Variants in LINGO2 observed in about 807,000 individuals in gnomAD.
The protein encoded by LINGO2 is leucine-rich repeat and immunoglobulin-like domain-containing nogo receptor-interacting protein 2.
Under a neutral mutation model 30.6 loss-of-function variants are expected in LINGO2, and 14 were observed. The observed-to-expected ratio is 0.46, with a 90% confidence interval of 0.30 to 0.72. LINGO2 has a LOEUF of 0.72. Among genes scored for constraint, LINGO2 ranks in the 30% least tolerant of loss-of-function variants. The pLI is 0.07. For missense variants in LINGO2, 729 were observed against 751.7 expected (o/e 0.97, Z 0.35); for synonymous variants, 317 against 288.5 (o/e 1.10, Z -1.00).
chr9:27,983,543 C>T (rs188694107), intron 5 of LINGO2, among the ~76,000 whole-genome samples: 1 of 151,926 alleles, frequency 6.6e-6, no homozygotes, highest in African/African-American at 2.4e-5. Context: ...TGATGCTTTC[C>T]TAGAGTCATC....
intron 4 of LINGO2, among the ~76,000 whole-genome samples, chr9:28,293,215 A>C (rs1429077673): frequency 6.6e-6 from 1 of 152,010 alleles, no homozygotes; most frequent in Non-Finnish European, 1.5e-5. Context: ...CTCCCACCTC[A>C]GCCTCCTAAG....
chr9:28,656,540 C>T lies in LINGO2; in HGVS notation c.-365+13660G>A, dbSNP rs372312885. ...ATCATAAGGAAACATCAGACACATC[C>T]AAACTGAGATGTAATTTACAGAATA... On this transcript the variant is annotated intron_variant, in intron 1 of 5. Transcript: ENST00000379992. Among the ~76,000 whole-genome samples, 25 of 152,072 alleles carry T rather than the reference C, an allele frequency of 1.6e-4. No individual in the cohort carries two copies. The South Asian group carries it at 5.2e-3, about 32-fold the overall frequency.
chr9:28,921,137 A>G, the LINGO2 span, among the ~76,000 whole-genome samples: 2 of 152,208 alleles, frequency 1.3e-5, no homozygotes, highest in African/African-American at 4.8e-5. Context: ...GGTGGCTTAT[A>G]TTGGACATAG....
At chr9:28,887,720 A>T in the LINGO2 span, among the ~76,000 whole-genome samples, 2 of 152,116 alleles carry the variant, frequency 1.3e-5, no homozygotes, top group Non-Finnish European at 2.9e-5. Context: ...AAGGCTGAGA[A>T]CTGTAATCCT....
intron 4 of LINGO2, among the ~76,000 whole-genome samples, chr9:28,125,825 A>G (rs1229749796): frequency 6.6e-6 from 1 of 152,206 alleles, no homozygotes; most frequent in East Asian, 1.9e-4. Flanking sequence ...AGAACAGAAC[A>G]GCTACTTTCA....
chr9:28,879,269 G>A, the LINGO2 span, among the ~76,000 whole-genome samples: 2 of 152,058 alleles, frequency 1.3e-5, no homozygotes, highest in African/African-American at 4.8e-5. Flanking sequence ...TAATAGGAGA[G>A]TGAAACAAGG....
chr9:28,896,166 G>T, the LINGO2 span, among the ~76,000 whole-genome samples: 1 of 152,134 alleles, frequency 6.6e-6, no homozygotes, highest in African/African-American at 2.4e-5. Flanking sequence ...GCAAAAAGAA[G>T]CAAACATTTG....
intron 4 of LINGO2, among the ~76,000 whole-genome samples, chr9:28,217,911 A>G (rs1265059840): frequency 6.6e-6 from 1 of 151,974 alleles, no homozygotes; most frequent in African/African-American, 2.4e-5. Flanking sequence ...TTGAAAAACT[A>G]GAATAATTAT....
At chr9:28,659,803 G>C (rs1036819023) in intron 1 of LINGO2, among the ~76,000 whole-genome samples, 3 of 152,028 alleles carry the variant, frequency 2.0e-5, no homozygotes, top group Non-Finnish European at 2.9e-5. Context: ...GTCGTAATAG[G>C]TTGAATGTAA....
At chr9:28,217,672 T>C (rs1446088249) in intron 4 of LINGO2, among the ~76,000 whole-genome samples, 1 of 152,064 alleles carries the variant, frequency 6.6e-6, no homozygotes, top group Non-Finnish European at 1.5e-5. Context: ...ATGTCCAAAA[T>C]AGCCTTCACA....
chr9:28,354,075 C>T (rs539787989), intron 3 of LINGO2, among the ~76,000 whole-genome samples: 140 of 151,944 alleles, frequency 9.2e-4, no homozygotes, highest in African/African-American at 3.0e-3. Flanking sequence ...GTGGGTGCAG[C>T]GCACCAGCAT....
At chr9:28,915,916 T>C in the LINGO2 span, among the ~76,000 whole-genome samples, 1 of 152,118 alleles carries the variant, frequency 6.6e-6, no homozygotes, top group Non-Finnish European at 1.5e-5. Flanking sequence ...TCCTGTAAAA[T>C]CTCTGATAAA....
the LINGO2 span, among the ~76,000 whole-genome samples, chr9:28,916,314 G>T: frequency 3.5e-4 from 54 of 152,254 alleles, no homozygotes; most frequent in African/African-American, 1.3e-3. Flanking sequence ...ATTCTGTAGA[G>T]AATTCTCTTC....
chr9:28,924,329 T>A, the LINGO2 span, among the ~76,000 whole-genome samples: 1 of 152,152 alleles, frequency 6.6e-6, no homozygotes, highest in African/African-American at 2.4e-5. Context: ...CAAGTGACTC[T>A]CCCACCTCAG....
At chr9:28,708,379 G>T in the LINGO2 span, among the ~76,000 whole-genome samples, 1 of 152,040 alleles carries the variant, frequency 6.6e-6, no homozygotes, top group Non-Finnish European at 1.5e-5. Flanking sequence ...GATTAGTTTT[G>T]CATCATGAGG....
chr9:28,641,463 T>C (rs1588011297), intron 1 of LINGO2, among the ~76,000 whole-genome samples: 1 of 152,046 alleles, frequency 6.6e-6, no homozygotes, highest in Admixed American at 6.5e-5. Flanking sequence ...AAGTCACTAG[T>C]GAAAGGAAAC....
intron 4 of LINGO2, among the ~76,000 whole-genome samples, chr9:28,233,117 T>C (rs963018634): frequency 9.5e-5 from 14 of 147,306 alleles, no homozygotes; most frequent in African/African-American, 3.5e-4. Context: ...TGGGGGGGTC[T>C]ATGTGTGTGT....
At chr9:28,948,481 C>T in the LINGO2 span, among the ~76,000 whole-genome samples, 4 of 151,970 alleles carry the variant, frequency 2.6e-5, no homozygotes, top group Admixed American at 6.6e-5. Flanking sequence ...ATTTATTTGG[C>T]TCTTTTGGCA....
chr9:28,363,808 T>G (rs755365329), intron 3 of LINGO2, among the ~76,000 whole-genome samples: 11 of 152,324 alleles, frequency 7.2e-5, no homozygotes, highest in Non-Finnish European at 8.8e-5. Flanking sequence ...TGACAATTAT[T>G]TTCTCCTAAC....
Sources: allele counts gnomAD v4.1 joint callset (sites outside exome capture counted in the v4.1 genomes callset), GRCh38; gene constraint gnomAD v4.1.1; transcripts MANE v1.5; gene names NCBI Gene and HGNC (gene_info 2026-07-23, HGNC 2026-07-21).